FOXP1: variants seen among roughly 807,000 people sequenced by gnomAD.
FOXP1 encodes forkhead box protein P1.
In FOXP1, 15 loss-of-function variants were observed where a neutral mutation model predicts 98.2. That is an observed-to-expected ratio of 0.15 (90% CI 0.10 to 0.24). The LOEUF is 0.24. FOXP1 is among the 10% of genes least tolerant of loss of function. FOXP1 has a pLI of 1.00. For missense variants in FOXP1, 633 were observed against 848.5 expected (o/e 0.75, Z 3.15); for synonymous variants, 371 against 314.5 (o/e 1.18, Z -1.90).
intron 3 of FOXP1, among the ~76,000 whole-genome samples, chr3:71,490,185 C>G (rs558505287): frequency 9.0e-4 from 137 of 152,150 alleles, no homozygotes; most frequent in Non-Finnish European, 1.8e-3. Context: ...TTTGAGCAAG[C>G]CTTGGAAATG....
chr3:70,968,269 G>C (rs982370943), intron 19 of FOXP1: 6 of 151,858 alleles, frequency 4.0e-5, no homozygotes, highest in African/African-American at 4.8e-5. Flanking sequence ...ATCCGCAAGA[G>C]AGCTTCTTGA....
At chr3:71,012,251 A>G (rs2043763369) in intron 12 of FOXP1, among the ~76,000 whole-genome samples, 1 of 152,208 alleles carries the variant, frequency 6.6e-6, no homozygotes, top group South Asian at 2.1e-4. Context: ...GCACTGGTGT[A>G]GAAGAAAAAA....
chr3:71,276,993 C>G (rs1297182901), intron 5 of FOXP1, among the ~76,000 whole-genome samples: 1 of 144,110 alleles, frequency 6.9e-6, no homozygotes, highest in Non-Finnish European at 1.5e-5. Flanking sequence ...GAGTCTCACT[C>G]TGTCGCCCAG....
At chr3:71,024,166 G>C (rs780593054) in intron 11 of FOXP1, among the ~76,000 whole-genome samples, 1 of 152,112 alleles carries the variant, frequency 6.6e-6, no homozygotes, top group African/African-American at 2.4e-5. Context: ...GCCCAAAGAC[G>C]AGCAGATGAA....
intron 5 of FOXP1, among the ~76,000 whole-genome samples, chr3:71,247,431 T>A (rs571477928): frequency 6.6e-6 from 1 of 152,124 alleles, no homozygotes; most frequent in African/African-American, 2.4e-5. Flanking sequence ...CGGAATGCCA[T>A]TGATTGTGGC....
At chr3:71,581,323 TC>T in intron 2 of FOXP1, 1 of 985,346 alleles carries the variant, frequency 1.0e-6, no homozygotes, top group Non-Finnish European at 1.2e-6. Context: ...AACTTTGATC[TC>T]CAGATTTTCA....
At chr3:71,200,019 T>C (rs1576349593) in intron 5 of FOXP1, among the ~76,000 whole-genome samples, 1 of 141,470 alleles carries the variant, frequency 7.1e-6, no homozygotes, top group Non-Finnish European at 1.5e-5. Flanking sequence ...GAGGCGGAGG[T>C]TGCAGTGAGC....
chr3:71,154,222 G>A (rs1009021393), intron 6 of FOXP1, among the ~76,000 whole-genome samples: 6 of 151,516 alleles, frequency 4.0e-5, no homozygotes, highest in Admixed American at 6.6e-5. Flanking sequence ...TTTTTTGTGT[G>A]TGTGGGTGTG....
chr3:71,067,611 A>G (rs1035800053), intron 7 of FOXP1, among the ~76,000 whole-genome samples: 1 of 152,076 alleles, frequency 6.6e-6, no homozygotes, highest in African/African-American at 2.4e-5. Context: ...CAAGAATTAA[A>G]CATGGCCAGG....
intron 5 of FOXP1, among the ~76,000 whole-genome samples, chr3:71,202,888 G>A (rs1463706061): frequency 6.6e-6 from 1 of 152,084 alleles, no homozygotes; most frequent in Non-Finnish European, 1.5e-5. Flanking sequence ...CAATATATAG[G>A]AGAGGAATCT....
intron 9 of FOXP1, among the ~76,000 whole-genome samples, chr3:71,050,836 A>T (rs1336619986): frequency 6.6e-6 from 1 of 152,228 alleles, no homozygotes; most frequent in Non-Finnish European, 1.5e-5. Context: ...CAACTTGTCC[A>T]AACTGAAGCT....
intron 5 of FOXP1, among the ~76,000 whole-genome samples, chr3:71,278,649 T>A (rs1240968250): frequency 6.6e-6 from 1 of 152,020 alleles, no homozygotes; most frequent in Non-Finnish European, 1.5e-5. Flanking sequence ...GGTATGGTGG[T>A]ATGCACCTGT....
chr3:71,282,229 G>A (rs927952732), intron 5 of FOXP1, among the ~76,000 whole-genome samples: 1 of 152,068 alleles, frequency 6.6e-6, no homozygotes, highest in Non-Finnish European at 1.5e-5. Context: ...CAAATACAGT[G>A]TTATCCATAA....
intron 4 of FOXP1, among the ~76,000 whole-genome samples, chr3:71,350,738 A>G (rs1453499170): frequency 6.6e-6 from 1 of 152,206 alleles, no homozygotes; most frequent in African/African-American, 2.4e-5. Flanking sequence ...TATGATATTT[A>G]AAGGTTCCTT....
chr3:71,569,037 T>C (rs1449664419), intron 2 of FOXP1, among the ~76,000 whole-genome samples: 1 of 152,248 alleles, frequency 6.6e-6, no homozygotes, highest in African/African-American at 2.4e-5. Context: ...TTACACTCTA[T>C]GAGACCTGGT....
intron 2 of FOXP1, among the ~76,000 whole-genome samples, chr3:71,531,752 A>T (rs1244665657): frequency 6.6e-6 from 1 of 152,212 alleles, no homozygotes; most frequent in Non-Finnish European, 1.5e-5. Flanking sequence ...AACAAGTTGA[A>T]ACCTACATGG....
At chr3:71,204,361 T>TC (rs2063874284) in intron 5 of FOXP1, among the ~76,000 whole-genome samples, 1 of 152,178 alleles carries the variant, frequency 6.6e-6, no homozygotes. Context: ...GGGGTGCAGC[T>TC]CCACAGACTT....
intron 13 of FOXP1, among the ~76,000 whole-genome samples, chr3:70,992,226 C>T (rs1050264938): frequency 1.1e-4 from 17 of 152,210 alleles, no homozygotes; most frequent in African/African-American, 3.9e-4. Context: ...AGAGACACTA[C>T]TTTCTGCCAC....
chr3:71,128,360 C>CT, intron 6 of FOXP1, among the ~76,000 whole-genome samples: 1 of 151,364 alleles, frequency 6.6e-6, no homozygotes, highest in Non-Finnish European at 1.5e-5. Flanking sequence ...AGATTTGAGC[C>CT]TTTCCCTTGG....
Sources: gnomAD v4.1 joint callset for allele counts (sites outside exome capture counted in the v4.1 genomes callset) on GRCh38, gnomAD v4.1.1 for gene constraint, MANE v1.5 for transcripts, NCBI Gene and HGNC (gene_info 2026-07-23, HGNC 2026-07-21) for gene names.